FBLN2: variants seen among roughly 807,000 people sequenced by gnomAD.
The protein encoded by FBLN2 is fibulin-2.
Under a neutral mutation model 123.7 loss-of-function variants are expected in FBLN2, and 81 were observed. The ratio of observed to expected loss-of-function variants is 0.65; its 90% CI spans 0.55 to 0.79. The LOEUF is 0.79. Among genes scored for constraint, FBLN2 ranks in the 30% least tolerant of loss-of-function variants. FBLN2 has a pLI of 0.00. For synonymous variants in FBLN2, 699 were observed against 701.4 expected (o/e 1.00, Z 0.05); for missense variants, 1,603 against 1,681.3 (o/e 0.95, Z 0.81).
At chr3:13,597,719 G>A (rs1366181401) in intron 2 of FBLN2, among the ~76,000 whole-genome samples, 2 of 152,198 alleles carry the variant, frequency 1.3e-5, no homozygotes, top group Non-Finnish European at 2.9e-5. Flanking sequence ...CTTTACCAGG[G>A]GACAGTGAGT....
At chr3:13,584,500 A>G (rs1446597759) in intron 2 of FBLN2, among the ~76,000 whole-genome samples, 1 of 152,186 alleles carries the variant, frequency 6.6e-6, no homozygotes. Context: ...CCTGCAGGTT[A>G]CTGTGCAGTA....
Position 13,570,330 on chromosome 3 carries a change from G to T in FBLN2, c.-26G>T. ...ATTCCCCCAGGGTCTTACAGGAGAGGGGACCGTCCTGGGCTGGCCTGGACC... is the reference window on the plus strand; with the variant it reads ...ATTCCCCCAGGGTCTTACAGGAGAGTGGACCGTCCTGGGCTGGCCTGGACC... On this transcript the variant is annotated 5_prime_UTR_variant, in exon 2 of 18. Transcript: ENST00000404922. 1 of 1,498,110 alleles carries T rather than the reference G, an allele frequency of 6.7e-7. No homozygotes were observed. The allele number at this position is 1,498,110 out of a possible 1,614,324, so 92.8% of individuals were successfully genotyped here. A position where few individuals can be genotyped will look rare whatever the true frequency, so the allele number is the denominator to read the frequency against.
chr3:13,636,711 C>T (rs1706485708), intron 17 of FBLN2, 143 bp downstream of exon 17: 1 of 996,650 alleles, frequency 1.0e-6, no homozygotes, highest in African/African-American at 1.6e-5. Flanking sequence ...GGCTAGGTGA[C>T]CAAAACAAAT....
At chr3:13,568,555 C>T (rs956646399) in intron 1 of FBLN2, among the ~76,000 whole-genome samples, 18 of 152,334 alleles carry the variant, frequency 1.2e-4, no homozygotes, top group African/African-American at 4.1e-4. Context: ...CTGCAGTTAC[C>T]ACCCGTGTGC....
chr3:13,609,724 C>A, intron 4 of FBLN2, 82 bp downstream of exon 4: 1 of 1,509,186 alleles, frequency 6.6e-7, no homozygotes, highest in South Asian at 1.2e-5. Flanking sequence ...TCCTCGTGGC[C>A]CAAGAAGTTA....
At chr3:13,636,373 A>T in intron 16 of FBLN2, 72 bp from the exon 17 acceptor site, 2 of 1,576,320 alleles carry the variant, frequency 1.3e-6, no homozygotes, top group Non-Finnish European at 1.7e-6. Context: ...CAGGCCTTTC[A>T]TGCAGGCTGG....
chr3:13,588,242 GGT>G (rs1704568830), intron 2 of FBLN2, among the ~76,000 whole-genome samples: 1 of 152,216 alleles, frequency 6.6e-6, no homozygotes, highest in African/African-American at 2.4e-5. Context: ...GTTCTGGACA[GGT>G]GTGTCGCCTA....
intron 1 of FBLN2, among the ~76,000 whole-genome samples, chr3:13,553,470 C>T (rs775416838): frequency 2.6e-5 from 4 of 152,184 alleles, no homozygotes; most frequent in Non-Finnish European, 4.4e-5. Flanking sequence ...TCCTGCCTGG[C>T]GAGCTGCCCT....
At chr3:13,553,381 G>A (rs1010851905) in intron 1 of FBLN2, among the ~76,000 whole-genome samples, 2 of 152,294 alleles carry the variant, frequency 1.3e-5, no homozygotes, top group African/African-American at 4.8e-5. Flanking sequence ...GAGGCGCAGA[G>A]TGGGGCGTGC....
chr3:13,555,641 A>C (rs988289728), intron 1 of FBLN2, among the ~76,000 whole-genome samples: 1 of 152,008 alleles, frequency 6.6e-6, no homozygotes, highest in Non-Finnish European at 1.5e-5. Flanking sequence ...TTTTTAGTAG[A>C]GACGGAGTTT....
In FBLN2 at chr3:13,570,596, G is replaced by A. The variant is rs769139844; in HGVS notation, c.241G>A (p.Gly81Ser). 3.0e-5 allele frequency: 47 copies of A among 1,578,264 alleles called. No homozygotes were observed. The highest frequency in any genetic ancestry group is 2.5e-4 in the South Asian group (22 of 86,462). ...CTGCCTACAGGGTGGCTTCGTGCGC[G>A]GCCGCGTGCCCGCCGGTCAGTCCTA... Reference protein sequence around the residue: ...YDCLQGGFVRGRVPAGQSYFV... With the variant: ...YDCLQGGFVRSRVPAGQSYFV... The change falls in exon 2 of 18, where the codon GGC (glycine) becomes AGC (serine). Residue 81 changes from glycine (G) to serine (S), a missense_variant. Transcript: ENST00000404922.
chr3:13,610,853 C>T (rs1331442180), intron 4 of FBLN2, among the ~76,000 whole-genome samples: 1 of 151,674 alleles, frequency 6.6e-6, no homozygotes, highest in African/African-American at 2.4e-5. Flanking sequence ...ACCTCTTGGT[C>T]CAGGATGAAC....
intron 2 of FBLN2, among the ~76,000 whole-genome samples, chr3:13,587,464 AC>A (rs1410856563): frequency 6.6e-6 from 1 of 152,178 alleles, no homozygotes; most frequent in African/African-American, 2.4e-5. Flanking sequence ...TCATTGAGTC[AC>A]CCACGGCAGC....
chr3:13,568,952 G>T, intron 1 of FBLN2: 1 of 985,624 alleles, frequency 1.0e-6, no homozygotes, highest in Non-Finnish European at 1.2e-6. Flanking sequence ...GCAGGCTTGG[G>T]GACCACTGCT....
intron 2 of FBLN2, among the ~76,000 whole-genome samples, chr3:13,579,931 C>T (rs186143831): frequency 1.3e-5 from 2 of 152,224 alleles, no homozygotes; most frequent in Non-Finnish European, 2.9e-5. Context: ...AGACAAGAGC[C>T]GGCCCTAGGA....
chr3:13,625,267 C>A (rs1038066560), intron 9 of FBLN2, among the ~76,000 whole-genome samples: 1 of 152,118 alleles, frequency 6.6e-6, no homozygotes, highest in Non-Finnish European at 1.5e-5. Flanking sequence ...CCTCTGTGGC[C>A]CGGGGACAGT....
Position 13,638,372 on chromosome 3 carries a change from A to C in FBLN2, c.*453A>C, listed in dbSNP as rs1207685024. ...ACATTATATAAAAAAAAGTTCAACT[A>C]GTATGAAAGGGTTATAAAGTAACAG... On this transcript the variant is annotated 3_prime_UTR_variant, in exon 18 of 18. Transcript: ENST00000404922. 2.7e-6 allele frequency: 1 copy of C among 369,388 alleles called. No homozygotes were observed. 22.9% of individuals were successfully genotyped at this position (369,388 alleles called of 1,614,324 possible). A position where few individuals can be genotyped will look rare whatever the true frequency, so the allele number is the denominator to read the frequency against.
chr3:13,587,143 T>C (rs1487691380), intron 2 of FBLN2, among the ~76,000 whole-genome samples: 2 of 103,904 alleles, frequency 1.9e-5, no homozygotes, highest in African/African-American at 8.6e-5. Context: ...AGACTCCGTC[T>C]CAAAAAAAAA....
intron 9 of FBLN2, among the ~76,000 whole-genome samples, chr3:13,626,147 G>A (rs1424704410): frequency 6.6e-6 from 1 of 152,184 alleles, no homozygotes; most frequent in African/African-American, 2.4e-5. Context: ...GTTTGTTTAT[G>A]TATTTATTGT....
Sources: gnomAD v4.1 joint callset for allele counts (sites outside exome capture counted in the v4.1 genomes callset) on GRCh38, gnomAD v4.1.1 for gene constraint, MANE v1.5 for transcripts, NCBI Gene and HGNC (gene_info 2026-07-23, HGNC 2026-07-21) for gene names.